CCDC148: variants seen among roughly 807,000 people sequenced by gnomAD.
CCDC148 encodes the protein coiled-coil domain containing 148.
CCDC148 carries 89 observed loss-of-function variants against 85.7 expected under a neutral mutation model. The ratio of observed to expected loss-of-function variants is 1.04; its 90% CI spans 0.87 to 1.24. CCDC148 has a LOEUF of 1.24. CCDC148 is among the 50% of genes most tolerant of loss of function. The probability of loss-of-function intolerance (pLI) is 0.00; values close to 1 mark genes in which losing one functional copy is unlikely to be tolerated. For synonymous variants in CCDC148, 230 were observed against 213.9 expected, an observed-to-expected ratio of 1.08 and a Z score of -0.66; for missense variants, 692 against 671.7, an observed-to-expected ratio of 1.03 and a Z score of -0.33.
intron 7 of CCDC148, among the ~76,000 whole-genome samples, chr2:158,330,078 C>T (rs1047638224): frequency 6.6e-6 from 1 of 152,184 alleles, no homozygotes; most frequent in Admixed American, 6.5e-5. Flanking sequence ...GCATCCCTAT[C>T]TTGTGCCAGT....
chr2:158,217,347 T>C (rs1190501257), intron 11 of CCDC148, among the ~76,000 whole-genome samples: 3,809 of 130,906 alleles, frequency 0.029, 186 homozygotes, highest in African/African-American at 0.091. Context: ...TATATATATA[T>C]ATATATATAA....
chr2:158,357,236 TA>T (rs909245868), intron 2 of CCDC148, among the ~76,000 whole-genome samples: 5 of 110,668 alleles, frequency 4.5e-5, no homozygotes, highest in East Asian at 2.6e-4. Flanking sequence ...TAATAAAAAA[TA>T]AAAAAAAAGA....
intron 9 of CCDC148, among the ~76,000 whole-genome samples, chr2:158,294,219 T>C (rs1241302945): frequency 6.6e-6 from 1 of 152,180 alleles, no homozygotes; most frequent in Admixed American, 6.5e-5. Context: ...TTTAGCGTAA[T>C]ACATTTGAGA....
intron 1 of CCDC148, among the ~76,000 whole-genome samples, chr2:158,366,691 G>A (rs1684220098): frequency 6.6e-6 from 1 of 152,162 alleles, no homozygotes; most frequent in Non-Finnish European, 1.5e-5. Context: ...ATTTGCTCTG[G>A]AGCTTCCTGC....
At chr2:158,430,028 T>G (rs181139812) in intron 1 of CCDC148, among the ~76,000 whole-genome samples, 5 of 152,222 alleles carry the variant, frequency 3.3e-5, no homozygotes, top group Admixed American at 6.5e-5. Context: ...TAAATCTGCA[T>G]GTGGCTCTTC....
chr2:158,178,781 G>T, intron 12 of CCDC148, 98 bp downstream of exon 12: 1 of 795,068 alleles, frequency 1.3e-6, no homozygotes, highest in East Asian at 2.5e-5. Context: ...TTATATAGCA[G>T]ATGTCATGAA....
intron 9 of CCDC148, among the ~76,000 whole-genome samples, chr2:158,266,307 G>A (rs1689450494): frequency 6.6e-6 from 1 of 152,102 alleles, no homozygotes; most frequent in Non-Finnish European, 1.5e-5. Context: ...AGGCACTTAA[G>A]GGAGGCAGCT....
intron 1 of CCDC148, among the ~76,000 whole-genome samples, chr2:158,435,517 A>C (rs889763743): frequency 6.6e-6 from 1 of 152,236 alleles, no homozygotes; most frequent in South Asian, 2.1e-4. Context: ...TGGCCACTGC[A>C]AAAACATGAC....
Position 158,439,442 on chromosome 2 carries a change from C to G in CCDC148, c.25+16973G>C, listed in dbSNP as rs549865523. On this transcript the variant is annotated intron_variant, in intron 1 of 13. Coordinates refer to ENST00000283233, the MANE Select transcript of CCDC148 (RefSeq NM_138803.4). Reference sequence around the variant, plus strand: ...ATTGAACAATCAGAACACTTGGACACAGGGTGGGGAACGTCACACACCGAG... The same window carrying G: ...ATTGAACAATCAGAACACTTGGACAGAGGGTGGGGAACGTCACACACCGAG... Among the ~76,000 whole-genome samples the G allele has an allele frequency of 3.3e-5, 5 of 152,142 alleles. No homozygotes were observed. In the South Asian group the frequency reaches 1.0e-3, roughly 32 times the overall value.
At chr2:158,191,401 T>C (rs970897644) in intron 11 of CCDC148, among the ~76,000 whole-genome samples, 1 of 151,986 alleles carries the variant, frequency 6.6e-6, no homozygotes, top group Admixed American at 6.6e-5. Context: ...TAGGAAATGA[T>C]CAGCGAAGAG....
intron 1 of CCDC148, among the ~76,000 whole-genome samples, chr2:158,435,574 A>G (rs1687606867): frequency 6.6e-6 from 1 of 152,166 alleles, no homozygotes; most frequent in Non-Finnish European, 1.5e-5. Flanking sequence ...ATAAACTAAC[A>G]AGCAAAATAA....
chr2:158,358,350 T>C, intron 2 of CCDC148, 99 bp downstream of exon 2: 3 of 1,413,362 alleles, frequency 2.1e-6, no homozygotes, highest in Non-Finnish European at 9.6e-7. Flanking sequence ...TTCTAACAAC[T>C]ATTTGGAATG....
chr2:158,405,792 T>A (rs1344507409), intron 1 of CCDC148, among the ~76,000 whole-genome samples: 2 of 152,194 alleles, frequency 1.3e-5, no homozygotes, highest in Non-Finnish European at 2.9e-5. Context: ...TGACATTAAT[T>A]GCATTTATTG....
At chr2:158,325,174 T>A (rs548523259) in intron 7 of CCDC148, among the ~76,000 whole-genome samples, 1 of 152,168 alleles carries the variant, frequency 6.6e-6, no homozygotes, top group South Asian at 2.1e-4. Context: ...AAAATAGTTA[T>A]CTGTACACAT....
chr2:158,369,987 A>T lies in CCDC148; in HGVS notation c.26-11417T>A, dbSNP rs192215688. On this transcript the variant is annotated intron_variant, in intron 1 of 13. Transcript: ENST00000283233. ...TGAATTACGTTTATTAATTTGTTGA[A>T]CCAGCCTTTCATCCTGGGGTTGAAG... Among the ~76,000 whole-genome samples, 8 of 151,978 alleles carry T rather than the reference A, an allele frequency of 5.3e-5. No individual in the cohort carries two copies. The East Asian group carries it at 1.6e-3, about 29-fold the overall frequency.
At chr2:158,409,221 G>A (rs1249277615) in intron 1 of CCDC148, among the ~76,000 whole-genome samples, 1 of 152,206 alleles carries the variant, frequency 6.6e-6, no homozygotes, top group African/African-American at 2.4e-5. Flanking sequence ...GCTGTGAGAA[G>A]AGGGCCACTA....
intron 11 of CCDC148, among the ~76,000 whole-genome samples, chr2:158,188,665 T>C (rs1685270262): frequency 1.3e-5 from 2 of 152,042 alleles, no homozygotes; most frequent in Non-Finnish European, 2.9e-5. Flanking sequence ...GGAAATACTT[T>C]TCTATACATT....
intron 11 of CCDC148, among the ~76,000 whole-genome samples, chr2:158,186,464 C>G (rs1685160371): frequency 6.6e-6 from 1 of 152,106 alleles, no homozygotes; most frequent in Non-Finnish European, 1.5e-5. Context: ...CCTTCTGACA[C>G]TGTCACCCAT....
chr2:158,217,283 G>T (rs1327847086), intron 11 of CCDC148, among the ~76,000 whole-genome samples: 3 of 141,542 alleles, frequency 2.1e-5, no homozygotes, highest in Admixed American at 1.4e-4. Flanking sequence ...ATTTTATGTG[G>T]TTCAACCTAT....
Sources: gnomAD v4.1 joint callset for allele counts (sites outside exome capture counted in the v4.1 genomes callset) on GRCh38, gnomAD v4.1.1 for gene constraint, MANE v1.5 for transcripts, NCBI Gene and HGNC (gene_info 2026-07-23, HGNC 2026-07-21) for gene names.